Variants in LHFPL3 observed in about 807,000 individuals in gnomAD.
LHFPL3 encodes LHFPL tetraspan subfamily member 3.
LHFPL3 carries 5 observed loss-of-function variants against 19.3 expected under a neutral mutation model. That is an observed-to-expected ratio of 0.26 (90% CI 0.14 to 0.54). The LOEUF is 0.54. LHFPL3 is among the 20% of genes least tolerant of loss of function. LHFPL3 has a pLI of 0.94. For synonymous variants in LHFPL3, 133 were observed against 126.2 expected, an observed-to-expected ratio of 1.05 and a Z score of -0.36; for missense variants, 249 against 307.4, an observed-to-expected ratio of 0.81 and a Z score of 1.42.
At chr7:104,543,527 A>G (rs1327665767) in intron 1 of LHFPL3, among the ~76,000 whole-genome samples, 2 of 151,796 alleles carry the variant, frequency 1.3e-5, no homozygotes, top group East Asian at 3.9e-4. Flanking sequence ...ATGTCCAACA[A>G]TGATAGACTG....
chr7:104,574,376 A>C (rs577824657), intron 1 of LHFPL3, among the ~76,000 whole-genome samples: 6 of 152,312 alleles, frequency 3.9e-5, no homozygotes, highest in African/African-American at 1.4e-4. Flanking sequence ...AAAGTCCTAT[A>C]ATATCATTAA....
intron 1 of LHFPL3, among the ~76,000 whole-genome samples, chr7:104,519,812 C>A (rs750586313): frequency 2.6e-5 from 4 of 151,942 alleles, no homozygotes; most frequent in Non-Finnish European, 5.9e-5. Context: ...TCTAGGGAAG[C>A]AACTGTAGAT....
chr7:104,767,074 C>T (rs4730042), intron 2 of LHFPL3, among the ~76,000 whole-genome samples: 9,496 of 152,252 alleles, frequency 0.062, 1,379 homozygotes, highest in East Asian at 0.62. Context: ...AAAGTTATCA[C>T]AAACATAATA....
At chr7:104,721,990 A>G (rs1159739809) in intron 1 of LHFPL3, among the ~76,000 whole-genome samples, 3 of 152,196 alleles carry the variant, frequency 2.0e-5, no homozygotes, top group Non-Finnish European at 4.4e-5. Flanking sequence ...GTGGTGCTCT[A>G]GAGATCAGAA....
chr7:104,819,857 C>T (rs1584552850), intron 2 of LHFPL3, among the ~76,000 whole-genome samples: 1 of 152,200 alleles, frequency 6.6e-6, no homozygotes. Context: ...TTTACAGAGA[C>T]ACACATGGCT....
chr7:104,667,159 T>A (rs1197013162), intron 1 of LHFPL3, among the ~76,000 whole-genome samples: 1 of 152,196 alleles, frequency 6.6e-6, no homozygotes, highest in Non-Finnish European at 1.5e-5. Flanking sequence ...AGCATGGTTT[T>A]TTTTTCTTTT....
intron 1 of LHFPL3, among the ~76,000 whole-genome samples, chr7:104,486,228 A>G (rs1464216779): frequency 3.9e-5 from 6 of 152,144 alleles, no homozygotes; most frequent in Non-Finnish European, 8.8e-5. Context: ...ACTTGAGCAA[A>G]ATGTTCTCTT....
rs574268515 is a variant in LHFPL3 at position 104,906,309 on chromosome 7, G to T, written c.*94G>T. 7.3e-7 allele frequency: 1 copy of T among 1,374,476 alleles called. No homozygotes were observed. 85.1% of individuals were successfully genotyped at this position (1,374,476 alleles called of 1,614,324 possible). Reference sequence around the variant, plus strand: ...GTACATCAACATCAAGAAGGAATACGCCTGAGAGAGATCAGAGTATATAGA... The same window carrying T: ...GTACATCAACATCAAGAAGGAATACTCCTGAGAGAGATCAGAGTATATAGA... On this transcript the variant is annotated 3_prime_UTR_variant, in exon 3 of 3. Transcript: ENST00000424859.
intron 1 of LHFPL3, among the ~76,000 whole-genome samples, chr7:104,575,544 G>A (rs1790318551): frequency 8.7e-6 from 1 of 115,356 alleles, no homozygotes. Flanking sequence ...ACAGCTGATA[G>A]TGTCCAAAGA....
At chr7:104,836,938 T>TGAA (rs752086029) in intron 2 of LHFPL3, among the ~76,000 whole-genome samples, 4 of 152,196 alleles carry the variant, frequency 2.6e-5, no homozygotes, top group Non-Finnish European at 5.9e-5. Context: ...AAAATGTGTT[T>TGAA]GAAGATAATC....
intron 2 of LHFPL3, among the ~76,000 whole-genome samples, chr7:104,800,354 G>C (rs1203586050): frequency 6.6e-6 from 1 of 152,154 alleles, no homozygotes; most frequent in Admixed American, 6.5e-5. Context: ...TCACTCTGGA[G>C]AGTAAGTGCG....
At chr7:104,366,007 C>G (rs939744690) in intron 1 of LHFPL3, among the ~76,000 whole-genome samples, 1 of 152,072 alleles carries the variant, frequency 6.6e-6, no homozygotes, top group African/African-American at 2.4e-5. Flanking sequence ...ATTTGACACA[C>G]CAGGACCAGG....
intron 1 of LHFPL3, among the ~76,000 whole-genome samples, chr7:104,455,199 C>T (rs894793204): frequency 1.3e-5 from 2 of 152,212 alleles, no homozygotes; most frequent in African/African-American, 4.8e-5. Flanking sequence ...TAAAAATGCA[C>T]ATTAATTAGC....
intron 2 of LHFPL3, among the ~76,000 whole-genome samples, chr7:104,857,424 T>C (rs1005420671): frequency 8.5e-5 from 13 of 152,168 alleles, no homozygotes; most frequent in African/African-American, 2.9e-4. Flanking sequence ...GTATACAACA[T>C]ATGCCAGACC....
intron 2 of LHFPL3, among the ~76,000 whole-genome samples, chr7:104,904,270 A>G (rs1306688708): frequency 6.6e-6 from 1 of 152,214 alleles, no homozygotes; most frequent in East Asian, 1.9e-4. Flanking sequence ...GGGGGAACAT[A>G]CCAAAAACAA....
chr7:104,430,406 A>ATGTATATATATATATATATATATG (rs1562895151), intron 1 of LHFPL3, among the ~76,000 whole-genome samples: 1 of 31,430 alleles, frequency 3.2e-5, no homozygotes, highest in Non-Finnish European at 5.2e-5. Flanking sequence ...ATATATATAC[A>ATGTATATATATATATATATATATG]TATATATATA....
intron 1 of LHFPL3, among the ~76,000 whole-genome samples, chr7:104,599,676 A>G (rs1378120070): frequency 5.3e-5 from 8 of 152,228 alleles, no homozygotes; most frequent in Admixed American, 5.2e-4. Flanking sequence ...CTTCAATACA[A>G]TGAGGAAGGT....
chr7:104,785,869 G>A (rs1044127967), intron 2 of LHFPL3: 1 of 152,166 alleles, frequency 6.6e-6, no homozygotes, highest in African/African-American at 2.4e-5. Flanking sequence ...CTCCTACAGG[G>A]TTAATTCCAC....
intron 1 of LHFPL3, among the ~76,000 whole-genome samples, chr7:104,444,539 T>C (rs190909827): frequency 1.1e-3 from 167 of 152,350 alleles, no homozygotes; most frequent in African/African-American, 3.8e-3. Context: ...AACACATTCC[T>C]TCAACCTAGC....
Sources: gnomAD v4.1 joint callset for allele counts (sites outside exome capture counted in the v4.1 genomes callset) on GRCh38, gnomAD v4.1.1 for gene constraint, MANE v1.5 for transcripts, NCBI Gene and HGNC (gene_info 2026-07-23, HGNC 2026-07-21) for gene names.